Variants in COL24A1 observed in about 807,000 individuals in gnomAD.
COL24A1 encodes the protein collagen alpha-1(XXIV) chain.
COL24A1 carries 224 observed loss-of-function variants against 253.9 expected under a neutral mutation model. That is an observed-to-expected ratio of 0.88 (90% CI 0.79 to 0.99). COL24A1 has a LOEUF of 0.99. Ranked by LOEUF, COL24A1 falls within the 50% of genes least tolerant of loss-of-function variation. The pLI is 0.00. For synonymous variants in COL24A1, 685 were observed against 673.7 expected (o/e 1.02, Z -0.26); for missense variants, 2,131 against 2,068.5 (o/e 1.03, Z -0.59).
At chr1:85,987,559 A>C (rs1189958990) in intron 20 of COL24A1, 42 bp downstream of exon 20, 37 of 1,536,934 alleles carry the variant, frequency 2.4e-5, no homozygotes, top group Non-Finnish European at 3.3e-5. Flanking sequence ...GGAGCTCTAG[A>C]TAACCATAAT....
intron 2 of COL24A1, among the ~76,000 whole-genome samples, chr1:86,132,977 T>C (rs760648783): frequency 2.6e-5 from 4 of 151,254 alleles, no homozygotes; most frequent in Non-Finnish European, 5.9e-5. Flanking sequence ...TTTTTCACGA[T>C]ATTGATTCTT....
chr1:85,840,606 T>C (rs1307123807), intron 42 of COL24A1, among the ~76,000 whole-genome samples: 2 of 152,132 alleles, frequency 1.3e-5, no homozygotes, highest in Admixed American at 1.3e-4. Context: ...TTTCATTTAA[T>C]CCATTTAATT....
At position 85,841,295 on chromosome 1, in the gene COL24A1, A is replaced by T. The variant is rs1456744914; in HGVS notation, c.3571-17T>A. The T allele has an allele frequency of 1.3e-6, 2 of 1,559,948 alleles. No individual in the cohort carries two copies. Among genetic ancestry groups the T allele is most frequent in the African/African-American group, 2.7e-5 (2 of 72,764 alleles). On this transcript the variant is annotated splice_polypyrimidine_tract_variant and intron_variant, in intron 41 of 59. Coordinates refer to ENST00000370571, the MANE Select transcript of COL24A1 (RefSeq NM_152890.7). ...TGGGTAGCCCTAAAATGAAATAATG[A>T]TTTATAAACAAAACTCAATAAATAA...
chr1:85,958,084 A>T (rs112463854), intron 24 of COL24A1, among the ~76,000 whole-genome samples: 1,772 of 152,270 alleles, frequency 0.012, 48 homozygotes, highest in African/African-American at 0.041. Context: ...TATGTGCATT[A>T]TCACTTTTAA....
At chr1:85,871,628 CT>C in intron 35 of COL24A1, among the ~76,000 whole-genome samples, 1 of 152,142 alleles carries the variant, frequency 6.6e-6, no homozygotes, top group South Asian at 2.1e-4. Flanking sequence ...CAGAAAAGGC[CT>C]TTGACAAAAT....
At position 86,032,086 on chromosome 1, in the gene COL24A1, C is replaced by T. The variant is rs582141; in HGVS notation, c.2005-164G>A. On this transcript the variant is annotated intron_variant, in intron 13 of 59. Transcript: ENST00000370571. ...CTAATCTATGCATCCTCCTGAGAAG[C>T]ACAAACCTATGGTGGCCATTTATGT... Among the ~76,000 whole-genome samples, 5 of 152,154 alleles carry T rather than the reference C, an allele frequency of 3.3e-5. No individual in the cohort carries two copies. In the South Asian group the frequency reaches 1.0e-3, roughly 32 times the overall value.
intron 24 of COL24A1, among the ~76,000 whole-genome samples, chr1:85,941,138 G>A (rs943771980): frequency 3.3e-5 from 5 of 152,134 alleles, no homozygotes; most frequent in Admixed American, 3.3e-4. Context: ...CTAATAACTA[G>A]CAGGAATGTT....
At chr1:85,926,314 C>A (rs146375205) in intron 24 of COL24A1, among the ~76,000 whole-genome samples, 1,810 of 152,300 alleles carry the variant, frequency 0.012, 29 homozygotes, top group African/African-American at 0.04. Flanking sequence ...ACCCAGCAAT[C>A]CCATTACTGG....
chr1:85,848,638 A>G (rs1677409567), intron 38 of COL24A1, among the ~76,000 whole-genome samples: 1 of 152,160 alleles, frequency 6.6e-6, no homozygotes, highest in African/African-American at 2.4e-5. Flanking sequence ...TAGCACCAAA[A>G]TATAGCTGTT....
chr1:86,065,498 C>A (rs1030293930), intron 7 of COL24A1, among the ~76,000 whole-genome samples: 3 of 152,134 alleles, frequency 2.0e-5, no homozygotes, highest in African/African-American at 7.2e-5. Flanking sequence ...GGTGGCAGCA[C>A]CATGCAGTCA....
intron 10 of COL24A1, among the ~76,000 whole-genome samples, chr1:86,052,726 G>GA (rs1269703320): frequency 1.3e-5 from 2 of 151,974 alleles, no homozygotes; most frequent in East Asian, 1.9e-4. Context: ...TTTATACATG[G>GA]AAAAAATTTT....
chr1:85,869,496 C>A (rs1345875576), intron 35 of COL24A1, among the ~76,000 whole-genome samples: 1 of 152,190 alleles, frequency 6.6e-6, no homozygotes, highest in African/African-American at 2.4e-5. Context: ...AACAGCGGAT[C>A]TCTTGGCAGA....
chr1:85,967,413 A>G (rs1347583761), intron 22 of COL24A1, among the ~76,000 whole-genome samples: 1 of 152,210 alleles, frequency 6.6e-6, no homozygotes, highest in Non-Finnish European at 1.5e-5. Context: ...CATAAAGGAG[A>G]CAAGACACAA....
Position 85,729,807 on chromosome 1 carries a change from T to C in COL24A1, c.*739A>G, listed in dbSNP as rs1663306582. 6.6e-6 allele frequency: 1 copy of C among 152,646 alleles called. No individual in the cohort carries two copies. Among genetic ancestry groups the C allele is most frequent in the Non-Finnish European group, 1.5e-5 (1 of 68,038 alleles). 9.5% of individuals were successfully genotyped at this position (152,646 alleles called of 1,614,324 possible). A position where few individuals can be genotyped will look rare whatever the true frequency, so the allele number is the denominator to read the frequency against. On this transcript the variant is annotated 3_prime_UTR_variant, in exon 60 of 60. Coordinates refer to ENST00000370571, the MANE Select transcript of COL24A1 (RefSeq NM_152890.7). ...CGTACAAGCACAGGTTACAATGTGC[T>C]GGCTTTGATTCCAAATACACAAAGA...
intron 24 of COL24A1, among the ~76,000 whole-genome samples, chr1:85,926,370 G>T (rs1350822957): frequency 6.6e-6 from 1 of 152,204 alleles, no homozygotes; most frequent in African/African-American, 2.4e-5. Context: ...AAAGACACAT[G>T]CACACGTATG....
intron 31 of COL24A1, among the ~76,000 whole-genome samples, chr1:85,894,601 C>T (rs922997379): frequency 6.6e-6 from 1 of 151,904 alleles, no homozygotes; most frequent in Non-Finnish European, 1.5e-5. Context: ...CCACTCACTG[C>T]AATGTATCAG....
intron 28 of COL24A1, among the ~76,000 whole-genome samples, chr1:85,896,712 ATGGTCT>A (rs1418136588): frequency 2.0e-5 from 3 of 152,018 alleles, no homozygotes; most frequent in Non-Finnish European, 4.4e-5. Context: ...GTTAGCCAGG[ATGGTCT>A]TGATCTCCTG....
chr1:85,878,383 G>A (rs979507327), intron 32 of COL24A1, among the ~76,000 whole-genome samples: 1 of 152,162 alleles, frequency 6.6e-6, no homozygotes, highest in Non-Finnish European at 1.5e-5. Context: ...AATCATGAGG[G>A]CACAGCACCT....
At chr1:86,020,074 T>C (rs865966179) in intron 18 of COL24A1, among the ~76,000 whole-genome samples, 4,137 of 142,588 alleles carry the variant, frequency 0.029, 123 homozygotes, top group African/African-American at 0.056. Context: ...TTTTTTTTTT[T>C]TTTTTTTTTT....
Sources: allele counts gnomAD v4.1 joint callset (sites outside exome capture counted in the v4.1 genomes callset), GRCh38; gene constraint gnomAD v4.1.1; transcripts MANE v1.5; gene names NCBI Gene and HGNC (gene_info 2026-07-23, HGNC 2026-07-21).